Variants in P3H1 observed in about 807,000 individuals in gnomAD.
The protein encoded by P3H1 is prolyl 3-hydroxylase 1.
A neutral mutation model predicts 84.0 loss-of-function variants in P3H1; 69 were observed. The observed-to-expected ratio is 0.82, with a 90% CI of 0.68 to 1.00. The LOEUF is 1.00. Among genes scored for constraint, P3H1 ranks in the 50% least tolerant of loss-of-function variants. The pLI is 0.00. For missense variants in P3H1, 878 were observed against 962.8 expected (o/e 0.91, Z 1.17); for synonymous variants, 366 against 388.8 (o/e 0.94, Z 0.69).
Position 42,754,049 on chromosome 1 carries a change from C to T in P3H1, c.1345+820G>A, listed in dbSNP as rs1483601023. On this transcript the variant is annotated intron_variant, in intron 8 of 14. Coordinates refer to ENST00000296388, the MANE Select transcript of P3H1 (RefSeq NM_022356.4). This position sits in a 1 kb window ranked among gnomAD's most constrained non-coding sequence, Gnocchi z 4.0. ...GACTGGTGGGCAGTGGGCGGGCTCA[C>T]GGAACAAAGTGCAGTCCTGTGTGAA... Among the ~76,000 whole-genome samples the T allele has an allele frequency of 2.0e-5, 3 of 152,062 alleles. No homozygotes were observed. Among genetic ancestry groups the T allele is most frequent in the Non-Finnish European group, 4.4e-5 (3 of 68,020 alleles).
chr1:42,759,293 T>C lies in P3H1; in HGVS notation c.716A>G (p.Tyr239Cys), dbSNP rs201104050. The part of the protein sequence containing the change: ...EAALQEYFVA[Y>C]EECRALCEGP... ...TTCGCAGAGGGCACGGCACTCCTCATAGGCCACAAAGTATTCTTGCAGCGC... is the reference window on the plus strand; with the variant it reads ...TTCGCAGAGGGCACGGCACTCCTCACAGGCCACAAAGTATTCTTGCAGCGC... Residue 239 changes from tyrosine to cysteine, a missense_variant, in exon 3 of 15, where the codon TAT (tyrosine) becomes TGT (cysteine). By Grantham distance (194) the Tyr-to-Cys change is radical. Transcript: ENST00000296388. 7 of 1,614,022 alleles carry C rather than the reference T, an allele frequency of 4.3e-6. No homozygotes were observed. Among genetic ancestry groups the C allele is most frequent in the Non-Finnish European group, 5.9e-6 (7 of 1,180,030 alleles).
chr1:42,759,361 G>C lies in P3H1; in HGVS notation c.648C>G (p.Tyr216Ter). The change falls in exon 3 of 15, where the codon TAC becomes TAG. Residue 216 changes from tyrosine (Y) to a stop codon, truncating the protein, a stop_gained. Transcript: ENST00000296388. LOFTEE classifies it high-confidence loss of function. ...CAGCTTCCTGTGGCTGTTCCTCTGA[G>C]TAGAGTCGCACTCCCAGTCGAAATT... ...MQEFRLGVRL[Y>*]SEEQPQEAVP... The C allele has an allele frequency of 6.2e-7, 1 of 1,614,176 alleles. No homozygotes were observed. Among genetic ancestry groups the C allele is most frequent in the East Asian group, 2.2e-5 (1 of 44,876 alleles).
chr1:42,764,837 T>A (rs1025676306), intron 1 of P3H1, among the ~76,000 whole-genome samples: 3 of 152,304 alleles, frequency 2.0e-5, no homozygotes, highest in African/African-American at 4.8e-5. Context: ...TTCAGGTCTG[T>A]CCCTTTCATG....
At position 42,750,227 on chromosome 1, in the gene P3H1, T is replaced by C. The variant is rs532909697; in HGVS notation, c.1679A>G (p.Tyr560Cys). The change falls in exon 11 of 15, where the codon TAC (tyrosine) becomes TGC (cysteine). Residue 560 changes from tyrosine to cysteine, a missense_variant. Transcript: ENST00000296388. ...ESYFRLDTPL[Y>C]FSYSHLVCRT... ...GCACACCAGATGAGAGTAGGAAAAGTAGAGGGGCGTATCCAGGCGGAAGTA... is the reference window on the plus strand; with the variant it reads ...GCACACCAGATGAGAGTAGGAAAAGCAGAGGGGCGTATCCAGGCGGAAGTA... The C allele has an allele frequency of 4.3e-6, 7 of 1,613,108 alleles. No homozygotes were observed. Among genetic ancestry groups the C allele is most frequent in the Non-Finnish European group, 5.9e-6 (7 of 1,179,772 alleles).
Position 42,755,399 on chromosome 1 carries a change from GTC to G in P3H1, c.1170+147_1170+148del. 3 of 932,020 alleles carry G rather than the reference GTC, an allele frequency of 3.2e-6. No individual in the cohort carries two copies. In the East Asian group the frequency reaches 7.5e-5, roughly 23 times the overall value. 57.7% of individuals were successfully genotyped at this position (932,020 alleles called of 1,614,324 possible). A position where few individuals can be genotyped will look rare whatever the true frequency, so the allele number is the denominator to read the frequency against. On this transcript the variant is annotated intron_variant, in intron 6 of 14. Coordinates refer to ENST00000296388, the MANE Select transcript of P3H1 (RefSeq NM_022356.4). ...GCTGCCCAGTGTTCCCCTTTCATCT[GTC>G]TCTCATCCCTGCCTTGCACAGATCC...
rs144378478 is a variant in P3H1, at chr1:42,766,939, T to C, written c.33A>G (p.Thr11=). MAVRALKLLT[T]LLAVVAAASQ... ...AGGCAGCGGCCACGACAGCCAGCAG[T>C]GTGGTCAGCAGCTTCAACGCGCGTA... Residue 11 remains threonine, a synonymous_variant, in exon 1 of 15, where the codon ACA becomes ACG. Coordinates refer to ENST00000296388, the MANE Select transcript of P3H1 (RefSeq NM_022356.4). 2.4e-4 allele frequency: 393 copies of C among 1,609,484 alleles called. 1 individual carries two copies. The African/African-American group carries it at 4.6e-3, about 19-fold the overall frequency.
intron 1 of P3H1, 117 bp from the exon 2 acceptor site, chr1:42,762,592 C>T (rs536822059): frequency 6.6e-5 from 73 of 1,113,174 alleles, no homozygotes; most frequent in Non-Finnish European, 9.0e-5. Context: ...CTCCACTCAG[C>T]GTGCCCAGCC....
chr1:42,753,152 A>G (rs1472434892), intron 8 of P3H1, among the ~76,000 whole-genome samples: 1 of 152,236 alleles, frequency 6.6e-6, no homozygotes, highest in African/African-American at 2.4e-5. Context: ...AATATTTGGC[A>G]TATGGTAAGT....
rs796571185 is a variant in P3H1, at chr1:42,754,561, C to T, written c.1345+308G>A. ...AAAGATGAGGTCTTGCTATATTGCCCAGGCTGGATTCAAACTCCTGGGCTC... is the reference window on the plus strand; with the variant it reads ...AAAGATGAGGTCTTGCTATATTGCCTAGGCTGGATTCAAACTCCTGGGCTC... On this transcript the variant is annotated intron_variant, in intron 8 of 14. Transcript: ENST00000296388. The surrounding 1 kb of genome is among the most constrained non-coding windows in gnomAD (Gnocchi z 4.0). 2.0e-5 allele frequency among the ~76,000 whole-genome samples: 3 copies of T among 152,140 alleles called. No homozygotes were observed. The highest frequency in any genetic ancestry group is 7.2e-5 in the African/African-American group (3 of 41,496).
In P3H1 at chr1:42,766,966, C is replaced by G. The variant is rs899406860; in HGVS notation, c.6G>C (p.Ala2=). Residue 2 remains alanine (A), a synonymous_variant, in exon 1 of 15, where the codon GCG becomes GCC. Coordinates refer to ENST00000296388, the MANE Select transcript of P3H1 (RefSeq NM_022356.4). M[A]VRALKLLTTL... ...TGGTCAGCAGCTTCAACGCGCGTAC[C>G]GCCATCGCTCCCTCAGACCTAACGG... 1 of 1,608,066 alleles carries G rather than the reference C, an allele frequency of 6.2e-7. No homozygotes were observed. Among genetic ancestry groups the G allele is most frequent in the South Asian group, 1.1e-5 (1 of 91,050 alleles).
Position 42,766,866 on chromosome 1 carries a change from C to T in P3H1, c.106G>A (p.Asp36Asn). Residue 36 changes from aspartate (D) to asparagine (N), a missense_variant, in exon 1 of 15, where the codon GAT becomes AAT. Transcript: ENST00000296388. ...GCGGTCCCCTCGGCGAAGAGCAGAT[C>T]AGGCGTCACCATGCCCCATCCTGCC... is the stretch of plus-strand genomic sequence containing the variant. Reference protein sequence around the residue: ...SEAGWGMVTPDLLFAEGTAAY... With the variant: ...SEAGWGMVTPNLLFAEGTAAY... 1 of 1,607,418 alleles carries T rather than the reference C, an allele frequency of 6.2e-7. No individual in the cohort carries two copies. Among genetic ancestry groups the T allele is most frequent in the East Asian group, 2.2e-5 (1 of 44,868 alleles).
chr1:42,760,805 C>T (rs1217136953), intron 2 of P3H1: 6 of 151,912 alleles, frequency 3.9e-5, no homozygotes, highest in African/African-American at 7.3e-5. Context: ...CAGGCACACA[C>T]CACCACGCTC....
chr1:42,749,181 C>T (rs1375235502), intron 11 of P3H1, among the ~76,000 whole-genome samples: 2 of 152,050 alleles, frequency 1.3e-5, no homozygotes, highest in Admixed American at 1.3e-4. Flanking sequence ...GCCTCCCTGG[C>T]CTCCTGGCAC....
chr1:42,760,584 T>G (rs1471565585), intron 2 of P3H1: 2 of 152,106 alleles, frequency 1.3e-5, no homozygotes, highest in Non-Finnish European at 2.9e-5. Flanking sequence ...TGGCCTCAAG[T>G]GATCCACTCA....
At chr1:42,759,801 C>T (rs1401505235) in intron 2 of P3H1, among the ~76,000 whole-genome samples, 2 of 151,816 alleles carry the variant, frequency 1.3e-5, no homozygotes, top group Non-Finnish European at 2.9e-5. Flanking sequence ...AGGCTGGTCT[C>T]CAACTCCTAA....
intron 10 of P3H1, among the ~76,000 whole-genome samples, chr1:42,750,621 C>G (rs369117808): frequency 2.6e-5 from 3 of 116,206 alleles, no homozygotes; most frequent in Non-Finnish European, 5.4e-5. Flanking sequence ...CCCCTCAGCC[C>G]GGCCAGCCAC....
At position 42,750,176 on chromosome 1, in the gene P3H1, T is replaced by C. The variant is rs767916950; in HGVS notation, c.1720+10A>G. Reference sequence around the variant, plus strand: ...GCGGGGGCGGGTGCTGCAGGGGTAATGAGGCCCACCTTCGATGGCAGTGCG... The same window carrying C: ...GCGGGGGCGGGTGCTGCAGGGGTAACGAGGCCCACCTTCGATGGCAGTGCG... On this transcript the variant is annotated intron_variant, in intron 11 of 14. Coordinates refer to ENST00000296388, the MANE Select transcript of P3H1 (RefSeq NM_022356.4). 3.7e-6 allele frequency: 6 copies of C among 1,611,278 alleles called. No homozygotes were observed. The highest frequency in any genetic ancestry group is 5.1e-6 in the Non-Finnish European group (6 of 1,178,920).
In P3H1 at chr1:42,750,069, T is replaced by C. The variant is rs568637927; in HGVS notation, c.1720+117A>G. The stretch of plus-strand genomic sequence containing the variant: ...CTGGGATGCCACCCATGTATTTACA[T>C]TGGTTCCCCAACTGAAGAAAAGGGA... On this transcript the variant is annotated intron_variant, in intron 11 of 14. Transcript: ENST00000296388. 8 of 1,248,078 alleles carry C rather than the reference T, an allele frequency of 6.4e-6. No homozygotes were observed. The African/African-American group carries it at 8.9e-5, about 14-fold the overall frequency. The allele number at this position is 1,248,078 out of a possible 1,614,324, so 77.3% of individuals were successfully genotyped here.
chr1:42,765,953 G>A (rs1652963276), intron 1 of P3H1, among the ~76,000 whole-genome samples: 1 of 151,368 alleles, frequency 6.6e-6, no homozygotes, highest in Non-Finnish European at 1.5e-5. Context: ...ATGGCACTCT[G>A]GCATTCCGAA....
Sources: gnomAD v4.1 joint callset for allele counts (sites outside exome capture counted in the v4.1 genomes callset) on GRCh38, gnomAD v4.1.1 for gene constraint, Gnocchi (gnomAD v3.1) non-coding constraint, MANE v1.5 for transcripts, NCBI Gene and HGNC (gene_info 2026-07-23, HGNC 2026-07-21) for gene names.